Variants in CLSTN2 observed in about 807,000 individuals in gnomAD.
The protein encoded by CLSTN2 is calsyntenin-2.
CLSTN2 carries 48 observed loss-of-function variants against 101.2 expected under a neutral mutation model. The observed-to-expected ratio is 0.47, with a 90% CI of 0.38 to 0.60. CLSTN2 has a LOEUF of 0.60. CLSTN2 is among the 20% of genes least tolerant of loss of function. The probability of loss-of-function intolerance (pLI) is 0.00; values close to 1 mark genes in which losing one functional copy is unlikely to be tolerated. For missense variants in CLSTN2, 1,160 were observed against 1,238.2 expected (o/e 0.94, Z 0.95); for synonymous variants, 481 against 463.6 (o/e 1.04, Z -0.48).
At chr3:140,518,164 C>G (rs565570833) in intron 8 of CLSTN2, among the ~76,000 whole-genome samples, 1 of 152,132 alleles carries the variant, frequency 6.6e-6, no homozygotes, top group Non-Finnish European at 1.5e-5. Flanking sequence ...CCAACAGCAC[C>G]GAGTTTATTT....
intron 1 of CLSTN2, among the ~76,000 whole-genome samples, chr3:140,015,302 A>G (rs933113739): frequency 3.5e-4 from 54 of 152,332 alleles, no homozygotes; most frequent in African/African-American, 1.3e-3. Flanking sequence ...GTGTGTAAAC[A>G]TCCTTGACAA....
chr3:140,545,596 G>C (rs1316224292), intron 9 of CLSTN2, among the ~76,000 whole-genome samples: 5 of 152,224 alleles, frequency 3.3e-5, no homozygotes, highest in African/African-American at 4.8e-5. Flanking sequence ...GATGGAAGGA[G>C]CCTGTGCTCA....
chr3:140,168,433 G>T (rs558858912), intron 1 of CLSTN2, among the ~76,000 whole-genome samples: 2 of 151,944 alleles, frequency 1.3e-5, no homozygotes. Context: ...GAAATGTTTT[G>T]CAAATATTTC....
At chr3:140,098,788 C>A (rs2008913855) in intron 1 of CLSTN2, among the ~76,000 whole-genome samples, 1 of 152,186 alleles carries the variant, frequency 6.6e-6, no homozygotes, top group South Asian at 2.1e-4. Flanking sequence ...AGACTTTGTG[C>A]TCCTGAAAGT....
chr3:140,327,138 G>A (rs909285909), intron 2 of CLSTN2, among the ~76,000 whole-genome samples: 2 of 152,262 alleles, frequency 1.3e-5, no homozygotes, highest in Admixed American at 6.5e-5. Flanking sequence ...AGAAACAGAC[G>A]CACACATGCA....
At chr3:140,290,281 A>T (rs2086935461) in intron 2 of CLSTN2, among the ~76,000 whole-genome samples, 1 of 152,094 alleles carries the variant, frequency 6.6e-6, no homozygotes, top group Non-Finnish European at 1.5e-5. Flanking sequence ...CCCTGGGGTG[A>T]GGGGCTGAGG....
At chr3:140,184,992 T>A (rs1427325336) in intron 2 of CLSTN2, among the ~76,000 whole-genome samples, 1 of 152,188 alleles carries the variant, frequency 6.6e-6, no homozygotes, top group Non-Finnish European at 1.5e-5. Flanking sequence ...CCCATAGCAA[T>A]TCTGATATCC....
chr3:139,986,666 A>T (rs966546738), intron 1 of CLSTN2, among the ~76,000 whole-genome samples: 3 of 152,058 alleles, frequency 2.0e-5, no homozygotes, highest in African/African-American at 7.2e-5. Flanking sequence ...CCCTTTATGG[A>T]CTTTTCATTG....
At chr3:140,303,046 C>T (rs1008458511) in intron 2 of CLSTN2, among the ~76,000 whole-genome samples, 1 of 152,150 alleles carries the variant, frequency 6.6e-6, no homozygotes, top group Non-Finnish European at 1.5e-5. Flanking sequence ...GAAGAGAACA[C>T]AATCTTGTTG....
intron 2 of CLSTN2, among the ~76,000 whole-genome samples, chr3:140,391,151 C>T (rs1255533383): frequency 1.3e-5 from 2 of 152,136 alleles, no homozygotes; most frequent in Non-Finnish European, 2.9e-5. Context: ...CAGGATTCTA[C>T]TCTCACACTC....
At chr3:140,387,102 T>C (rs2088061731) in intron 2 of CLSTN2, among the ~76,000 whole-genome samples, 1 of 152,122 alleles carries the variant, frequency 6.6e-6, no homozygotes. Flanking sequence ...GATGAGGAAG[T>C]ACAGATTCTT....
At chr3:139,952,828 G>A (rs1935316529) in intron 1 of CLSTN2, among the ~76,000 whole-genome samples, 1 of 152,144 alleles carries the variant, frequency 6.6e-6, no homozygotes, top group South Asian at 2.1e-4. Flanking sequence ...GATTAAGGTC[G>A]GGGTTATTCT....
chr3:140,052,945 T>C (rs539674790), intron 1 of CLSTN2, among the ~76,000 whole-genome samples: 4 of 152,302 alleles, frequency 2.6e-5, no homozygotes, highest in Admixed American at 2.0e-4. Context: ...TTCTCCCCCA[T>C]GCAGGGCAGA....
intron 2 of CLSTN2, among the ~76,000 whole-genome samples, chr3:140,220,751 A>C (rs746624475): frequency 1.3e-5 from 2 of 152,258 alleles, no homozygotes; most frequent in African/African-American, 2.4e-5. Context: ...GAGAAAGAAC[A>C]GAACAAGACT....
chr3:140,008,455 T>G (rs892914090), intron 1 of CLSTN2, among the ~76,000 whole-genome samples: 1 of 152,190 alleles, frequency 6.6e-6, no homozygotes, highest in Non-Finnish European at 1.5e-5. Flanking sequence ...TGTAGCCTGG[T>G]AGGTGAGACA....
chr3:140,320,494 G>T (rs780454658), intron 2 of CLSTN2, among the ~76,000 whole-genome samples: 1 of 152,138 alleles, frequency 6.6e-6, no homozygotes, highest in African/African-American at 2.4e-5. Context: ...CTTTTTACCT[G>T]TTGGCACTGA....
Position 140,493,132 on chromosome 3 carries a change from C to T in CLSTN2, c.1344+26401C>T, listed in dbSNP as rs925493561. Reference sequence around the variant, plus strand: ...GAAAAAACGTCTGGGAACATTATTGCCTCACTCATGTTTTCCCATTGCCTT... The same window carrying T: ...GAAAAAACGTCTGGGAACATTATTGTCTCACTCATGTTTTCCCATTGCCTT... On this transcript the variant is annotated intron_variant, in intron 8 of 16. Coordinates refer to ENST00000458420, the MANE Select transcript of CLSTN2 (RefSeq NM_022131.3). Among the ~76,000 whole-genome samples, 5 of 152,294 alleles carry T rather than the reference C, an allele frequency of 3.3e-5. No individual in the cohort carries two copies. The South Asian group carries it at 1.0e-3, about 32-fold the overall frequency.
intron 2 of CLSTN2, among the ~76,000 whole-genome samples, chr3:140,266,015 C>A (rs1227599054): frequency 1.3e-5 from 2 of 152,192 alleles, no homozygotes; most frequent in Non-Finnish European, 1.5e-5. Flanking sequence ...GACAGACCCA[C>A]TGTGATTCGT....
intron 1 of CLSTN2, among the ~76,000 whole-genome samples, chr3:140,063,569 G>A (rs1214680875): frequency 2.0e-5 from 3 of 152,166 alleles, no homozygotes; most frequent in Non-Finnish European, 2.9e-5. Context: ...TACAAGAAGT[G>A]CATGTGGACA....
Sources: gnomAD v4.1 joint callset for allele counts (sites outside exome capture counted in the v4.1 genomes callset) on GRCh38, gnomAD v4.1.1 for gene constraint, MANE v1.5 for transcripts, NCBI Gene and HGNC (gene_info 2026-07-23, HGNC 2026-07-21) for gene names.